ZNF589: variants seen among roughly 807,000 people sequenced by gnomAD.
ZNF589 encodes zinc finger protein 589.
A neutral mutation model predicts 13.6 loss-of-function variants in ZNF589; 17 were observed. The observed-to-expected ratio is 1.25, with a 90% CI of 0.86 to 1.88. ZNF589 has a LOEUF of 1.88. Among genes scored for constraint, ZNF589 ranks in the 40% most tolerant of loss-of-function variants. ZNF589 has a pLI of 0.00. For synonymous variants in ZNF589, 148 were observed against 161.6 expected (o/e 0.92, Z 0.64); for missense variants, 407 against 434.0 (o/e 0.94, Z 0.55).
intron 3 of ZNF589, 47 bp downstream of exon 3, chr3:48,260,986 G>T: frequency 6.2e-7 from 1 of 1,602,320 alleles, no homozygotes; most frequent in South Asian, 1.1e-5. Context: ...AGTATTTACT[G>T]ACCATATTCA....
At chr3:48,256,120 A>C (rs1405704346) in intron 2 of ZNF589, among the ~76,000 whole-genome samples, 1 of 151,972 alleles carries the variant, frequency 6.6e-6, no homozygotes, top group Admixed American at 6.6e-5. Flanking sequence ...GCCCCACAGC[A>C]ATTGCCAAGG....
chr3:48,257,996 C>T, intron 2 of ZNF589: 1 of 429,320 alleles, frequency 2.3e-6, no homozygotes, highest in Admixed American at 3.0e-5. Flanking sequence ...ATCTCTCTTA[C>T]TTTGTTCTTC....
At chr3:48,259,043 T>C (rs571137337) in intron 2 of ZNF589, among the ~76,000 whole-genome samples, 1 of 152,220 alleles carries the variant, frequency 6.6e-6, no homozygotes, top group East Asian at 1.9e-4. Context: ...ACTGAGAATA[T>C]GAGAACCAGG....
At position 48,268,900 on chromosome 3, in the gene ZNF589, C is replaced by T; in HGVS notation, c.*114C>T. 3 of 1,402,000 alleles carry T rather than the reference C, an allele frequency of 2.1e-6. No homozygotes were observed. Among genetic ancestry groups the T allele is most frequent in the South Asian group, 2.7e-5 (2 of 72,910 alleles). 86.8% of individuals were successfully genotyped at this position (1,402,000 alleles called of 1,614,324 possible). A position where few individuals can be genotyped will look rare whatever the true frequency, so the allele number is the denominator to read the frequency against. On this transcript the variant is annotated 3_prime_UTR_variant, in exon 4 of 4. Coordinates refer to ENST00000354698, the MANE Select transcript of ZNF589 (RefSeq NM_016089.3). ...GAGGCTTTCGTGCTAAATCAACTCT[C>T]CTCCTACACCAGTGGACACATTCAG...
At chr3:48,266,332 A>G (rs2034018364) in intron 3 of ZNF589, among the ~76,000 whole-genome samples, 1 of 152,164 alleles carries the variant, frequency 6.6e-6, no homozygotes, top group African/African-American at 2.4e-5. Context: ...CATCCTGATC[A>G]TCAGATTCCC....
At chr3:48,243,133 AT>A (rs1172716368) in intron 1 of ZNF589, among the ~76,000 whole-genome samples, 1 of 149,566 alleles carries the variant, frequency 6.7e-6, no homozygotes, top group South Asian at 2.1e-4. Flanking sequence ...TCTGTTTCTG[AT>A]TTTTTTTTCA....
intron 2 of ZNF589, among the ~76,000 whole-genome samples, chr3:48,260,509 A>C (rs1280139929): frequency 6.6e-6 from 1 of 152,040 alleles, no homozygotes; most frequent in South Asian, 2.1e-4. Context: ...CTCAGGTTCA[A>C]GTGATTCTCC....
In ZNF589 at chr3:48,269,546, C is replaced by T. The variant is rs919559133; in HGVS notation, c.*760C>T. ...ACCTTACGCATGCATCGAGTGTGGG[C>T]GAAACTTTAGCCACAAGTCCACTCT... is the stretch of plus-strand genomic sequence containing the variant. On this transcript the variant is annotated 3_prime_UTR_variant, in exon 4 of 4. Coordinates refer to ENST00000354698, the MANE Select transcript of ZNF589 (RefSeq NM_016089.3). 12 of 339,594 alleles carry T rather than the reference C, an allele frequency of 3.5e-5. No individual in the cohort carries two copies. Among genetic ancestry groups the T allele is most frequent in the East Asian group, 2.8e-4 (4 of 14,356 alleles). The allele number at this position is 339,594 out of a possible 1,614,324, so 21.0% of individuals were successfully genotyped here.
chr3:48,265,271 C>CTTT lies in ZNF589; in HGVS notation c.224-2616_224-2614dup, dbSNP rs35060812. ...ACAGGCATGAGCCACTGTGCCCGGC[C>CTTT]TTTTTTTTTTTTTTTTTTTTTTTTT... On this transcript the variant is annotated intron_variant, in intron 3 of 3. Transcript: ENST00000354698. 5.4e-4 allele frequency among the ~76,000 whole-genome samples: 26 copies of CTTT among 47,884 alleles called. 5 individuals carry two copies. The highest frequency in any genetic ancestry group is 1.1e-3 in the African/African-American group (14 of 12,860). 31.4% of individuals were successfully genotyped at this position (47,884 alleles called of 152,430 possible).
chr3:48,246,319 T>G (rs2033765273), intron 1 of ZNF589, among the ~76,000 whole-genome samples: 1 of 151,808 alleles, frequency 6.6e-6, no homozygotes, highest in Non-Finnish European at 1.5e-5. Context: ...AATCAATCAA[T>G]CAATCAGTTC....
intron 1 of ZNF589, among the ~76,000 whole-genome samples, chr3:48,245,650 AAGATATGGAAGAGAAGGCTGGGC>A (rs764400270): frequency 7.2e-5 from 11 of 152,162 alleles, no homozygotes; most frequent in Non-Finnish European, 1.5e-4. Flanking sequence ...CCCCTCAGCA[AAGATATGGAAGAGAAGGCTGGGC>A]GCGGTGGCTC....
chr3:48,267,200 T>A (rs1653700062), intron 3 of ZNF589, among the ~76,000 whole-genome samples: 1 of 152,334 alleles, frequency 6.6e-6, no homozygotes, highest in Non-Finnish European at 1.5e-5. Flanking sequence ...ATCCAAGACC[T>A]GCTCTTCCCT....
At chr3:48,252,677 A>G (rs2033852597) in intron 2 of ZNF589, among the ~76,000 whole-genome samples, 1 of 131,062 alleles carries the variant, frequency 7.6e-6, no homozygotes, top group Non-Finnish European at 1.5e-5. Flanking sequence ...GCTGGAGTGC[A>G]GTGGCAGGAT....
intron 3 of ZNF589, among the ~76,000 whole-genome samples, chr3:48,261,294 C>T (rs924585816): frequency 6.6e-6 from 1 of 152,058 alleles, no homozygotes; most frequent in Non-Finnish European, 1.5e-5. Context: ...TGAGGAAGTA[C>T]ATTTGAGCAA....
intron 1 of ZNF589, 54 bp downstream of exon 1, chr3:48,241,268 CCGCGCAGGCGT>C: frequency 1.3e-6 from 2 of 1,598,022 alleles, no homozygotes; most frequent in South Asian, 2.2e-5. Flanking sequence ...GCCGCAGGCG[CCGCGCAGGCGT>C]CGGCCGTATC....
rs192203626 is a variant in ZNF589, at chr3:48,260,801, C to T, written c.97-12C>T. ...GGTGACTTGATGAATATGAATTTATCGGTTGATTTAGGGACCAGTGACTTT... is the reference window on the plus strand; with the variant it reads ...GGTGACTTGATGAATATGAATTTATTGGTTGATTTAGGGACCAGTGACTTT... On this transcript the variant is annotated splice_polypyrimidine_tract_variant and intron_variant, in intron 2 of 3. Transcript: ENST00000354698. 3,246 of 1,613,960 alleles carry T rather than the reference C, an allele frequency of 2.0e-3. 7 individuals are homozygous for T. The highest frequency in any genetic ancestry group is 2.4e-3 in the Non-Finnish European group (2,804 of 1,179,928).
At chr3:48,249,267 T>C (rs2033807679) in intron 2 of ZNF589, among the ~76,000 whole-genome samples, 1 of 152,014 alleles carries the variant, frequency 6.6e-6, no homozygotes, top group Non-Finnish European at 1.5e-5. Flanking sequence ...CACACACAGC[T>C]AATTTTTGTA....
chr3:48,247,790 C>T, intron 2 of ZNF589, 113 bp downstream of exon 2: 2 of 1,162,172 alleles, frequency 1.7e-6, no homozygotes. Flanking sequence ...GTGGTTTATG[C>T]CTTGTGTTAG....
At chr3:48,265,254 G>A (rs2034007560) in intron 3 of ZNF589, among the ~76,000 whole-genome samples, 1 of 138,912 alleles carries the variant, frequency 7.2e-6, no homozygotes, top group Admixed American at 7.6e-5. Context: ...TTACAGGCAT[G>A]AGCCACTGTG....
Sources: allele counts gnomAD v4.1 joint callset (sites outside exome capture counted in the v4.1 genomes callset), GRCh38; gene constraint gnomAD v4.1.1; transcripts MANE v1.5; gene names NCBI Gene and HGNC (gene_info 2026-07-23, HGNC 2026-07-21).